BAG3: variants seen among roughly 807,000 people sequenced by gnomAD.
BAG3 encodes the protein BAG family molecular chaperone regulator 3.
Under a neutral mutation model 40.5 loss-of-function variants are expected in BAG3, and 14 were observed. The observed-to-expected ratio is 0.35, with a 90% CI of 0.23 to 0.54. BAG3 has a LOEUF of 0.54. BAG3 is among the 20% of genes least tolerant of loss of function. The pLI, the probability that BAG3 is intolerant of heterozygous loss-of-function variation, is 0.91. For missense variants in BAG3, 788 were observed against 758.6 expected (o/e 1.04, Z -0.46); for synonymous variants, 302 against 307.8 (o/e 0.98, Z 0.20).
intron 1 of BAG3, among the ~76,000 whole-genome samples, chr10:119,665,341 C>T (rs1169721412): frequency 1.3e-5 from 2 of 151,598 alleles, no homozygotes; most frequent in Non-Finnish European, 2.9e-5. Context: ...GGGGTTTCAC[C>T]GTGTTAGCCA....
rs1454474726 is a variant in BAG3 at position 119,672,994 on chromosome 10, A to C, written c.909+338A>C. 6.6e-6 allele frequency among the ~76,000 whole-genome samples: 1 copy of C among 151,846 alleles called. No individual in the cohort carries two copies. Among genetic ancestry groups the C allele is most frequent in the Non-Finnish European group, 1.5e-5 (1 of 67,962 alleles). ...CAGGGCTCTTCACACCCCCATCCAC[A>C]CCGCAGCCACAGCCTCACCTTGGGT... On this transcript the variant is annotated intron_variant, in intron 3 of 3. Transcript: ENST00000369085. This position sits in a 1 kb window ranked among gnomAD's most constrained non-coding sequence, Gnocchi z 4.8.
intron 1 of BAG3, among the ~76,000 whole-genome samples, chr10:119,668,539 G>A (rs959367298): frequency 6.6e-6 from 1 of 152,214 alleles, no homozygotes; most frequent in Non-Finnish European, 1.5e-5. Context: ...AAGGACCCTC[G>A]GTGCTCGGGG....
intron 3 of BAG3, among the ~76,000 whole-genome samples, chr10:119,675,778 T>TCCCCCTCCCTTC (rs1463957855): frequency 1.3e-4 from 8 of 61,512 alleles, no homozygotes; most frequent in East Asian, 6.2e-4. Context: ...CCTCCTTCCC[T>TCCCCCTCCCTTC]CCCCCTCCCT....
At chr10:119,671,533 CTG>C (rs1358984189) in intron 2 of BAG3, among the ~76,000 whole-genome samples, 2 of 152,170 alleles carry the variant, frequency 1.3e-5, no homozygotes, top group Non-Finnish European at 2.9e-5. Context: ...GCCGAGTTCT[CTG>C]TAGATTGGCA....
intron 3 of BAG3, among the ~76,000 whole-genome samples, chr10:119,675,545 C>T (rs532503140): frequency 3.1e-4 from 47 of 152,158 alleles, no homozygotes; most frequent in South Asian, 6.2e-4. Context: ...TAGGCTGTCA[C>T]GGTTTTAAAA....
chr10:119,668,799 T>G (rs1316004667), intron 1 of BAG3, among the ~76,000 whole-genome samples: 1 of 152,248 alleles, frequency 6.6e-6, no homozygotes, highest in Non-Finnish European at 1.5e-5. Flanking sequence ...CAGTGATACT[T>G]GTTAAAGCAC....
intron 3 of BAG3, among the ~76,000 whole-genome samples, chr10:119,673,924 T>C (rs770566168): frequency 2.0e-5 from 3 of 152,254 alleles, no homozygotes; most frequent in Non-Finnish European, 2.9e-5. Context: ...GAGGAAGACA[T>C]TCTCGTTCAT....
intron 2 of BAG3, among the ~76,000 whole-genome samples, chr10:119,671,722 A>G (rs997887602): frequency 6.6e-6 from 1 of 152,190 alleles, no homozygotes; most frequent in African/African-American, 2.4e-5. Context: ...TAGGAATTTG[A>G]ACATAGGCCC....
At chr10:119,662,765 A>G (rs1847010208) in intron 1 of BAG3, among the ~76,000 whole-genome samples, 1 of 152,102 alleles carries the variant, frequency 6.6e-6, no homozygotes, top group Admixed American at 6.5e-5. Context: ...CTGTAATCTC[A>G]GCACTTTGGG....
At chr10:119,659,444 G>C (rs930877555) in intron 1 of BAG3, among the ~76,000 whole-genome samples, 5 of 152,170 alleles carry the variant, frequency 3.3e-5, no homozygotes, top group African/African-American at 1.2e-4. Context: ...TCTGGACCCA[G>C]CTCTCAGGGG....
intron 1 of BAG3, among the ~76,000 whole-genome samples, chr10:119,654,462 TC>T (rs1332102675): frequency 2.6e-5 from 4 of 152,242 alleles, no homozygotes; most frequent in African/African-American, 9.6e-5. Flanking sequence ...GTATTTTATT[TC>T]GTCTTCTACT....
intron 1 of BAG3, 43 bp downstream of exon 1, chr10:119,651,898 C>A (rs112546447): frequency 6.9e-7 from 1 of 1,455,464 alleles, no homozygotes; most frequent in Admixed American, 2.4e-5. Flanking sequence ...GGCGCCACCT[C>A]GACGGCAGGC....
At chr10:119,661,334 T>C (rs2134057127) in intron 1 of BAG3, among the ~76,000 whole-genome samples, 1 of 152,270 alleles carries the variant, frequency 6.6e-6, no homozygotes, top group Non-Finnish European at 1.5e-5. Context: ...TTACAAAGAC[T>C]TGTACCTTAT....
chr10:119,669,764 A>G (rs966429102), intron 1 of BAG3, 87 bp from the exon 2 acceptor site: 3 of 1,368,624 alleles, frequency 2.2e-6, no homozygotes, highest in Non-Finnish European at 3.1e-6. Context: ...GGAAGATCAC[A>G]ATGCCAAGCG....
At position 119,676,776 on chromosome 10, in the gene BAG3, C is replaced by A; in HGVS notation, c.1222C>A (p.Pro408Thr). The stretch of plus-strand genomic sequence containing the variant: ...CACTGCCCCTGCAGAAGCTACACCT[C>A]CAAAACCAGGAGAAGCCGAGGCTCC... The part of the protein sequence containing the change: ...PSTAPAEATP[P>T]KPGEAEAPPK... The change falls in exon 4 of 4, where the codon CCA becomes ACA. Residue 408 changes from proline (P) to threonine (T), a missense_variant. Pro to Thr is a conservative substitution (Grantham distance 38). Transcript: ENST00000369085. 1 of 1,614,168 alleles carries A rather than the reference C, an allele frequency of 6.2e-7. No individual in the cohort carries two copies. Among genetic ancestry groups the A allele is most frequent in the Non-Finnish European group, 8.5e-7 (1 of 1,180,036 alleles).
intron 1 of BAG3, among the ~76,000 whole-genome samples, chr10:119,658,716 G>A (rs7906577): frequency 0.12 from 18,893 of 152,120 alleles, 1,352 homozygotes; most frequent in East Asian, 0.27. Context: ...AGACAAACCT[G>A]GGTTCTAGAG....
chr10:119,661,912 G>A (rs1846996168), intron 1 of BAG3, among the ~76,000 whole-genome samples: 1 of 152,170 alleles, frequency 6.6e-6, no homozygotes, highest in Admixed American at 6.5e-5. Context: ...TTTGGCTGTA[G>A]GGATGTTAAT....
At position 119,676,899 on chromosome 10, in the gene BAG3, A is replaced by G. The variant is rs1060502815; in HGVS notation, c.1345A>G (p.Lys449Glu). 6.2e-7 allele frequency: 1 copy of G among 1,614,210 alleles called. No homozygotes were observed. Among genetic ancestry groups the G allele is most frequent in the Non-Finnish European group, 8.5e-7 (1 of 1,180,038 alleles). Reference sequence around the variant, plus strand: ...CAACTTTGAAGGCAAGAAGACTGACAAAAAGTACCTGATGATCGAAGAGTA... The same window carrying G: ...CAACTTTGAAGGCAAGAAGACTGACGAAAAGTACCTGATGATCGAAGAGTA... ...VDNFEGKKTD[K>E]KYLMIEEYLT... Residue 449 changes from lysine (K) to glutamate (E), a missense_variant, in exon 4 of 4, where the codon AAA (lysine) becomes GAA (glutamate). Transcript: ENST00000369085.
chr10:119,666,977 CT>C (rs1157267206), intron 1 of BAG3, among the ~76,000 whole-genome samples: 1 of 152,004 alleles, frequency 6.6e-6, no homozygotes, highest in South Asian at 2.1e-4. Flanking sequence ...TTCACTTTTT[CT>C]TTTTTTTCTT....
Sources: gnomAD v4.1 joint callset for allele counts (sites outside exome capture counted in the v4.1 genomes callset) on GRCh38, gnomAD v4.1.1 for gene constraint, Gnocchi (gnomAD v3.1) non-coding constraint, MANE v1.5 for transcripts, NCBI Gene and HGNC (gene_info 2026-07-23, HGNC 2026-07-21) for gene names.